Variants in PHLPP1 observed in about 807,000 individuals in gnomAD.
PHLPP1 encodes the protein PH domain and leucine rich repeat protein phosphatase 1, also known as PH domain leucine-rich repeat-containing protein phosphatase 1.
PHLPP1 carries 42 observed loss-of-function variants against 117.2 expected under a neutral mutation model. The observed-to-expected ratio is 0.36, with a 90% CI of 0.28 to 0.46. The LOEUF (loss-of-function observed/expected upper bound fraction) is 0.46, where lower values mean the gene tolerates loss of function less well. Among genes scored for constraint, PHLPP1 ranks in the 20% least tolerant of loss-of-function variants. PHLPP1 has a pLI of 1.00. For synonymous variants in PHLPP1, 1,042 were observed against 970.7 expected (o/e 1.07, Z -1.37); for missense variants, 2,084 against 2,241.9 (o/e 0.93, Z 1.42).
In PHLPP1 at chr18:62,860,653, ACTT is replaced by A. The variant is rs894285699; in HGVS notation, c.2066+55_2066+57del. On this transcript the variant is annotated intron_variant, in intron 4 of 16. Transcript: ENST00000262719. ...TTAGGAAGGGGTGGGGGCAGAATGA[ACTT>A]CTGCTTGTTATCTCTTGAATATTCT... 36 of 1,408,392 alleles carry A rather than the reference ACTT, an allele frequency of 2.6e-5. No homozygotes were observed. In the Admixed American group the frequency reaches 7.0e-4, roughly 27 times the overall value. The allele number at this position is 1,408,392 out of a possible 1,614,324, so 87.2% of individuals were successfully genotyped here.
At chr18:62,765,044 C>T (rs1206703935) in intron 1 of PHLPP1, among the ~76,000 whole-genome samples, 1 of 152,134 alleles carries the variant, frequency 6.6e-6, no homozygotes, top group African/African-American at 2.4e-5. Context: ...AATGTCCTTC[C>T]CTCAAATTGC....
At chr18:62,972,170 G>T (rs916328254) in intron 14 of PHLPP1, among the ~76,000 whole-genome samples, 1 of 152,218 alleles carries the variant, frequency 6.6e-6, no homozygotes, top group East Asian at 1.9e-4. Flanking sequence ...TGTGGAGATT[G>T]TGGTTAATAA....
At chr18:62,875,278 A>G (rs1163928748) in intron 4 of PHLPP1, among the ~76,000 whole-genome samples, 1 of 151,996 alleles carries the variant, frequency 6.6e-6, no homozygotes, top group East Asian at 1.9e-4. Context: ...TGTGATTTTT[A>G]TCATATATGA....
chr18:62,742,501 T>C (rs1429378657), intron 1 of PHLPP1, among the ~76,000 whole-genome samples: 1 of 152,176 alleles, frequency 6.6e-6, no homozygotes, highest in Non-Finnish European at 1.5e-5. Context: ...AGTGGCGCTA[T>C]CTTGGCTCAC....
intron 3 of PHLPP1, 77 bp from the exon 4 acceptor site, chr18:62,860,358 A>G: frequency 1.7e-6 from 2 of 1,208,302 alleles, no homozygotes. Context: ...CCAAATTGGG[A>G]TTATCTTATT....
At chr18:62,860,298 C>G (rs1354627247) in intron 3 of PHLPP1, 137 bp from the exon 4 acceptor site, 1 of 698,140 alleles carries the variant, frequency 1.4e-6, no homozygotes, top group African/African-American at 1.8e-5. Flanking sequence ...ACTGAATACT[C>G]TGTTGGTTTA....
chr18:62,978,410 A>T lies in PHLPP1; in HGVS notation c.4133A>T (p.Asp1378Val). 1 of 1,612,308 alleles carries T rather than the reference A, an allele frequency of 6.2e-7. No homozygotes were observed. Residue 1378 changes from aspartate to valine, a missense_variant, in exon 17 of 17, where the codon GAC becomes GTC. By Grantham distance (152) the Asp-to-Val change is radical. Transcript: ENST00000262719. This position sits in a 1 kb window ranked among gnomAD's most constrained non-coding sequence, Gnocchi z 7.0. The part of the protein sequence containing the change: ...FFILGSKGLW[D>V]SLSVEEAVEA... ...ATCCTAGGCAGTAAGGGGTTGTGGG[A>T]CAGCCTGTCCGTCGAGGAGGCCGTG...
intron 1 of PHLPP1, among the ~76,000 whole-genome samples, chr18:62,800,521 C>T (rs1297666036): frequency 6.6e-6 from 1 of 151,534 alleles, no homozygotes; most frequent in Non-Finnish European, 1.5e-5. Context: ...TGCATACAAA[C>T]TCACCTATAA....
chr18:62,929,767 G>T (rs1343911445), intron 10 of PHLPP1, among the ~76,000 whole-genome samples: 2 of 152,134 alleles, frequency 1.3e-5, no homozygotes, highest in Non-Finnish European at 2.9e-5. Context: ...GGGCAACATA[G>T]CAAGACCCTG....
intron 1 of PHLPP1, among the ~76,000 whole-genome samples, chr18:62,750,620 T>G (rs1911820819): frequency 6.6e-6 from 1 of 152,216 alleles, no homozygotes; most frequent in Non-Finnish European, 1.5e-5. Flanking sequence ...CCTTCTTTTC[T>G]TTTTCCTGAT....
intron 1 of PHLPP1, among the ~76,000 whole-genome samples, chr18:62,727,103 C>G (rs1911095649): frequency 6.6e-6 from 1 of 151,282 alleles, no homozygotes; most frequent in Admixed American, 6.6e-5. Flanking sequence ...TGGCAGGCAC[C>G]TGTAATCCCA....
At chr18:62,911,389 C>T (rs1232040049) in intron 8 of PHLPP1, among the ~76,000 whole-genome samples, 2 of 33,456 alleles carry the variant, frequency 6.0e-5, no homozygotes, top group East Asian at 4.3e-4. Context: ...AGAAAATTTT[C>T]GCAACCTACT....
chr18:62,901,921 C>G lies in PHLPP1; in HGVS notation c.2445-1043C>G, dbSNP rs1916735179. On this transcript the variant is annotated intron_variant, in intron 6 of 16. Transcript: ENST00000262719. Reference sequence around the variant, plus strand: ...GGGATTACAGGTGTGAGCCATCGCACCCATCCTATATTAATACTTTTCTAA... The same window carrying G: ...GGGATTACAGGTGTGAGCCATCGCAGCCATCCTATATTAATACTTTTCTAA... Among the ~76,000 whole-genome samples the G allele has an allele frequency of 1.3e-5, 2 of 152,108 alleles. 1 individual carries two copies. The highest frequency in any genetic ancestry group is 4.1e-4 in the South Asian group (2 of 4,830).
At chr18:62,854,259 C>T (rs1235571281) in intron 3 of PHLPP1, among the ~76,000 whole-genome samples, 1 of 152,230 alleles carries the variant, frequency 6.6e-6, no homozygotes, top group Non-Finnish European at 1.5e-5. Context: ...GAGGCACTTT[C>T]TATATATGCC....
chr18:62,838,589 A>C, intron 2 of PHLPP1, 195 bp from the exon 3 acceptor site: 1 of 510,416 alleles, frequency 2.0e-6, no homozygotes, highest in African/African-American at 1.9e-5. Flanking sequence ...GTAAAGATAA[A>C]ACTCCCCCTT....
At chr18:62,839,006 C>T (rs979516928) in intron 3 of PHLPP1, 97 bp downstream of exon 3, 3 of 1,318,764 alleles carry the variant, frequency 2.3e-6, no homozygotes, top group Non-Finnish European at 2.1e-6. Flanking sequence ...TAGTTACACA[C>T]ACTTTTTTTT....
intron 10 of PHLPP1, among the ~76,000 whole-genome samples, chr18:62,924,091 A>C (rs1014913976): frequency 2.6e-5 from 4 of 152,226 alleles, no homozygotes; most frequent in African/African-American, 9.6e-5. Context: ...AGAAGGTAGA[A>C]TAGACGGAAA....
intron 1 of PHLPP1, among the ~76,000 whole-genome samples, chr18:62,799,698 A>G (rs1257847857): frequency 6.6e-6 from 1 of 152,202 alleles, no homozygotes; most frequent in Non-Finnish European, 1.5e-5. Flanking sequence ...CTTGTAGAAT[A>G]CAGTGTGTGT....
rs1208889180 is a variant in PHLPP1 at position 62,723,747 on chromosome 18, TCA to T, written c.1576+6492_1576+6493del. On this transcript the variant is annotated intron_variant, in intron 1 of 16. Coordinates refer to ENST00000262719, the MANE Select transcript of PHLPP1 (RefSeq NM_194449.4). ...TGGGAAACAATTTTTTCCTTTTATCTCACACTGTGAGAGAAAATGTACTGCTT... is the reference window on the plus strand; with the variant it reads ...TGGGAAACAATTTTTTCCTTTTATCTCACTGTGAGAGAAAATGTACTGCTT... Among the ~76,000 whole-genome samples the T allele has an allele frequency of 2.0e-5, 3 of 152,318 alleles. No homozygotes were observed. In the East Asian group the frequency reaches 5.8e-4, roughly 29 times the overall value.
Sources: gnomAD v4.1 joint callset for allele counts (sites outside exome capture counted in the v4.1 genomes callset) on GRCh38, gnomAD v4.1.1 for gene constraint, Gnocchi (gnomAD v3.1) non-coding constraint, MANE v1.5 for transcripts, NCBI Gene and HGNC (gene_info 2026-07-23, HGNC 2026-07-21) for gene names.